The following UBOX5 variants were observed in gnomAD, a reference collection of about 807,000 sequenced individuals.
UBOX5 encodes the protein U-box domain containing 5.
A neutral mutation model predicts 39.0 loss-of-function variants in UBOX5; 28 were observed. That is an observed-to-expected ratio of 0.72 (90% CI 0.53 to 0.98). The LOEUF is 0.98. UBOX5 is among the 50% of genes least tolerant of loss of function. The pLI is 0.00. For missense variants in UBOX5, 585 were observed against 674.4 expected, an observed-to-expected ratio of 0.87 and a Z score of 1.47; for synonymous variants, 283 against 275.5, an observed-to-expected ratio of 1.03 and a Z score of -0.27.
rs770792915 is a variant in UBOX5 at position 3,147,479 on chromosome 20, T to C, written c.-42+12287A>G. 1.6e-5 allele frequency: 26 copies of C among 1,614,094 alleles called. 1 individual carries two copies. The highest frequency in any genetic ancestry group is 1.1e-4 in the East Asian group (5 of 44,896). On this transcript the variant is annotated intron_variant, in intron 1 of 4. Transcript: ENST00000217173. ...TTGCTGAAGGTGAGTACTAAGACGA[T>C]TGCCTCTGTAATCTGGACACTCAAT...
chr20:3,107,678 G>C lies in UBOX5; in HGVS notation c.*2428C>G. 1 of 152,164 alleles carries C rather than the reference G, an allele frequency of 6.6e-6. No homozygotes were observed. The allele number at this position is 152,164 out of a possible 1,614,324, so 9.4% of individuals were successfully genotyped here. A position where few individuals can be genotyped will look rare whatever the true frequency, so the allele number is the denominator to read the frequency against. ...GTAGTGAAAAGACCACTTCCTTTTG[G>C]GGGAAGTCTTTCAATTAAGAAAAAC... On this transcript the variant is annotated 3_prime_UTR_variant, in exon 5 of 5. Coordinates refer to ENST00000217173, the MANE Select transcript of UBOX5 (RefSeq NM_014948.4). The surrounding 1 kb of genome is among the most constrained non-coding windows in gnomAD (Gnocchi z 5.0).
rs1481489743 is a variant in UBOX5 at position 3,121,421 on chromosome 20, G to A, written c.1218C>T (p.Thr406=). Residue 406 remains threonine, a synonymous_variant, in exon 3 of 5, where the codon ACC becomes ACT. Coordinates refer to ENST00000217173, the MANE Select transcript of UBOX5 (RefSeq NM_014948.4). ...CCATATGTGTCAGGCTGGGCTCATT[G>A]GTGGCTTTCATTTTCTTAGCAGTGT... ...SEHTAKKMKA[T]NEPSLTHMDC... 3 of 1,613,778 alleles carry A rather than the reference G, an allele frequency of 1.9e-6. No individual in the cohort carries two copies. The highest frequency in any genetic ancestry group is 2.5e-6 in the Non-Finnish European group (3 of 1,179,882).
chr20:3,159,635 A>C (rs2066725513), intron 1 of UBOX5, 131 bp downstream of exon 1: 1 of 152,312 alleles, frequency 6.6e-6, no homozygotes, highest in African/African-American at 2.4e-5. Context: ...CCAGGCCAAG[A>C]GCTGAACAAG....
chr20:3,142,437 CT>C (rs1334766726), intron 1 of UBOX5, among the ~76,000 whole-genome samples: 3 of 151,842 alleles, frequency 2.0e-5, no homozygotes, highest in Non-Finnish European at 2.9e-5. Flanking sequence ...ACTGTCTCTA[CT>C]AAAAATACAA....
intron 1 of UBOX5, among the ~76,000 whole-genome samples, chr20:3,151,318 T>C (rs533936887): frequency 6.6e-6 from 1 of 152,360 alleles, no homozygotes; most frequent in African/African-American, 2.4e-5. Context: ...CAAGGTTTTT[T>C]CAGAACATAG....
intron 1 of UBOX5, among the ~76,000 whole-genome samples, chr20:3,141,380 G>A (rs1429440150): frequency 6.6e-6 from 1 of 152,088 alleles, no homozygotes; most frequent in Admixed American, 6.6e-5. Context: ...AGGTGTGGTG[G>A]CTCACACCTG....
At chr20:3,139,535 A>T (rs1335726921) in intron 1 of UBOX5, among the ~76,000 whole-genome samples, 2 of 151,406 alleles carry the variant, frequency 1.3e-5, no homozygotes, top group Non-Finnish European at 2.9e-5. Context: ...GATTACAGGC[A>T]CCCACCACCA....
At chr20:3,142,279 T>A (rs1240882966) in intron 1 of UBOX5, among the ~76,000 whole-genome samples, 1 of 151,434 alleles carries the variant, frequency 6.6e-6, no homozygotes, top group African/African-American at 2.4e-5. Context: ...CTGGGCAACA[T>A]GGTGAAACCC....
intron 1 of UBOX5, chr20:3,147,245 G>C: frequency 6.2e-7 from 1 of 1,614,150 alleles, no homozygotes; most frequent in Non-Finnish European, 8.5e-7. Context: ...ATTTTCAGCC[G>C]GCGTGGCTTC....
rs766067898 is a variant in UBOX5, at chr20:3,115,384, C to T, written c.1338G>A (p.Thr446=). The T allele has an allele frequency of 2.5e-6, 4 of 1,614,166 alleles. No homozygotes were observed. In the South Asian group the frequency reaches 3.3e-5, roughly 13 times the overall value. The part of the protein sequence containing the change: ...ASTLGSMPSF[T]ARLTRGQLQH... ...GGAGCTGTCCCCTGGTCAGCCGTGCCGTGAAGGAGGGCATAGAGCCAAGGG... is the reference window on the plus strand; with the variant it reads ...GGAGCTGTCCCCTGGTCAGCCGTGCTGTGAAGGAGGGCATAGAGCCAAGGG... The change falls in exon 4 of 5, where the codon ACG becomes ACA. Residue 446 remains threonine, a synonymous_variant. Coordinates refer to ENST00000217173, the MANE Select transcript of UBOX5 (RefSeq NM_014948.4).
intron 1 of UBOX5, chr20:3,150,630 C>G (rs1209131838): frequency 6.6e-6 from 1 of 152,178 alleles, no homozygotes; most frequent in African/African-American, 2.4e-5. Context: ...CATAAAAGTT[C>G]CAAGGGTGCC....
In UBOX5 at chr20:3,110,215, T is replaced by C. The variant is rs1367380585; in HGVS notation, c.1517A>G (p.His506Arg). 2.5e-6 allele frequency: 4 copies of C among 1,613,712 alleles called. No homozygotes were observed. Among genetic ancestry groups the C allele is most frequent in the Admixed American group, 1.7e-5 (1 of 59,992 alleles). The change falls in exon 5 of 5, where the codon CAC (histidine) becomes CGC (arginine). Residue 506 changes from histidine (H) to arginine (R), a missense_variant. Coordinates refer to ENST00000217173, the MANE Select transcript of UBOX5 (RefSeq NM_014948.4). ...KEPVYQLPCG[H>R]LLCRPCLGEK... ...ACCCAGGCAGGGTCGGCACAGGAGG[T>C]GGCCGCAGGGCAGCTGGTACACCGG...
At chr20:3,126,521 A>G (rs1434065906) in intron 1 of UBOX5, among the ~76,000 whole-genome samples, 2 of 151,300 alleles carry the variant, frequency 1.3e-5, no homozygotes, top group Non-Finnish European at 2.9e-5. Context: ...TAAAAAAAAA[A>G]AAAGAAAAGA....
At chr20:3,139,876 A>G (rs2066502282) in intron 1 of UBOX5, among the ~76,000 whole-genome samples, 1 of 151,336 alleles carries the variant, frequency 6.6e-6, no homozygotes, top group Admixed American at 6.6e-5. Context: ...CACCCAGCTA[A>G]TTTTTTTATT....
At chr20:3,124,191 CCT>C (rs143384365) in intron 1 of UBOX5, among the ~76,000 whole-genome samples, 1,611 of 152,168 alleles carry the variant, frequency 0.011, 36 homozygotes, top group African/African-American at 0.036. Context: ...AGAGTGAGAC[CCT>C]GTCTCAAAGG....
In UBOX5 at chr20:3,121,854, T is replaced by C; in HGVS notation, c.785A>G (p.Glu262Gly). 1.2e-6 allele frequency: 2 copies of C among 1,614,032 alleles called. No homozygotes were observed. The highest frequency in any genetic ancestry group is 1.7e-6 in the Non-Finnish European group (2 of 1,180,016). ...CTCCAGGGTGATGGGATCCAGGAAC[T>C]CCTCAGGCACATCCTGAATGATCTC... is the stretch of plus-strand genomic sequence containing the variant. ...LAEIIQDVPEEFLDPITLEIM... is the reference protein window; with the variant it reads ...LAEIIQDVPEGFLDPITLEIM... The change falls in exon 3 of 5, where the codon GAG (glutamate) becomes GGG (glycine). Residue 262 changes from glutamate (E) to glycine (G), a missense_variant. By Grantham distance (98) the Glu-to-Gly change is moderately conservative. Coordinates refer to ENST00000217173, the MANE Select transcript of UBOX5 (RefSeq NM_014948.4).
chr20:3,137,800 T>C (rs2066484534), intron 1 of UBOX5, among the ~76,000 whole-genome samples: 1 of 152,244 alleles, frequency 6.6e-6, no homozygotes, highest in Non-Finnish European at 1.5e-5. Context: ...TCTTTTATCT[T>C]ATAAATCCAA....
Position 3,109,992 on chromosome 20 carries a change from G to A in UBOX5, c.*114C>T. The A allele has an allele frequency of 4.0e-6, 5 of 1,247,782 alleles. No homozygotes were observed. The South Asian group carries it at 5.1e-5, about 13-fold the overall frequency. The allele number at this position is 1,247,782 out of a possible 1,614,324, so 77.3% of individuals were successfully genotyped here. On this transcript the variant is annotated 3_prime_UTR_variant, in exon 5 of 5. Transcript: ENST00000217173. ...GGTGATGAAGAAGAGCCCCGGGAGG[G>A]AGCAGGCAGCTCTGTGCCTGGGGCC...
At chr20:3,148,280 A>C in intron 1 of UBOX5, 1 of 1,611,700 alleles carries the variant, frequency 6.2e-7, no homozygotes, top group South Asian at 1.1e-5. Context: ...ACTAGAAAAA[A>C]TGTTTAAAAA....
Sources: gnomAD v4.1 joint callset for allele counts (sites outside exome capture counted in the v4.1 genomes callset) on GRCh38, gnomAD v4.1.1 for gene constraint, Gnocchi (gnomAD v3.1) non-coding constraint, MANE v1.5 for transcripts, NCBI Gene and HGNC (gene_info 2026-07-23, HGNC 2026-07-21) for gene names.